ZNF407: variants seen among roughly 807,000 people sequenced by gnomAD.
ZNF407 encodes zinc finger protein 407.
Under a neutral mutation model 131.2 loss-of-function variants are expected in ZNF407, and 17 were observed. That is an observed-to-expected ratio of 0.13 (90% CI 0.09 to 0.19). The LOEUF is 0.19. Among genes scored for constraint, ZNF407 ranks in the 10% least tolerant of loss-of-function variants. The probability of loss-of-function intolerance (pLI) is 1.00; values close to 1 mark genes in which losing one functional copy is unlikely to be tolerated. For synonymous variants in ZNF407, 1,156 were observed against 1,062.0 expected (o/e 1.09, Z -1.72); for missense variants, 2,681 against 2,830.6 (o/e 0.95, Z 1.20).
intron 3 of ZNF407, among the ~76,000 whole-genome samples, chr18:74,695,007 A>T (rs1967317933): frequency 6.6e-6 from 1 of 152,206 alleles, no homozygotes; most frequent in African/African-American, 2.4e-5. Context: ...ATAGTGAAGG[A>T]AGCCATATGA....
intron 3 of ZNF407, among the ~76,000 whole-genome samples, chr18:74,744,999 A>G (rs973046155): frequency 6.6e-6 from 1 of 152,102 alleles, no homozygotes; most frequent in African/African-American, 2.4e-5. Flanking sequence ...GAATAATGAT[A>G]TTACTCAGCA....
chr18:74,840,565 G>C (rs1395243296), intron 4 of ZNF407, among the ~76,000 whole-genome samples: 1 of 151,974 alleles, frequency 6.6e-6, no homozygotes, highest in Non-Finnish European at 1.5e-5. Context: ...TTTGAACATT[G>C]AGATAGATCT....
intron 3 of ZNF407, among the ~76,000 whole-genome samples, chr18:74,716,197 G>A (rs1487277076): frequency 6.6e-6 from 1 of 152,156 alleles, no homozygotes; most frequent in Non-Finnish European, 1.5e-5. Flanking sequence ...CATTCGTGAG[G>A]TTTTGATAGC....
chr18:74,877,344 C>T lies in ZNF407; in HGVS notation c.5025C>T (p.Asp1675=), dbSNP rs770874779. ...YSFLTASAMK[D]HYRTHTGEKS... is the part of the protein sequence containing the mutation. ...TCCTCACAGCCTCCGCAATGAAAGACCACTACAGGACGCACACAGGTGTGC... is the reference window on the plus strand; with the variant it reads ...TCCTCACAGCCTCCGCAATGAAAGATCACTACAGGACGCACACAGGTGTGC... Residue 1675 remains aspartate (D), a synonymous_variant, in exon 5 of 9, where the codon GAC becomes GAT. Coordinates refer to ENST00000299687, the MANE Select transcript of ZNF407 (RefSeq NM_017757.3). 3.1e-6 allele frequency: 5 copies of T among 1,613,450 alleles called. No homozygotes were observed. In the East Asian group the frequency reaches 8.9e-5, roughly 29 times the overall value.
intron 8 of ZNF407, among the ~76,000 whole-genome samples, chr18:75,018,088 A>G (rs914747764): frequency 2.0e-5 from 3 of 152,230 alleles, no homozygotes; most frequent in Admixed American, 2.0e-4. Flanking sequence ...GCACAATAGA[A>G]TTATGTGAAC....
At position 74,765,982 on chromosome 18, in the gene ZNF407, G is replaced by A. The variant is rs192400482; in HGVS notation, c.4803-15446G>A. Among the ~76,000 whole-genome samples the A allele has an allele frequency of 4.6e-5, 7 of 151,490 alleles. No homozygotes were observed. The East Asian group carries it at 1.2e-3, about 25-fold the overall frequency. ...CAGTCAGGATTCACTCAGACATTTA[G>A]AGCCACTGTGATATACGCATATTAC... On this transcript the variant is annotated intron_variant, in intron 3 of 8. Coordinates refer to ENST00000299687, the MANE Select transcript of ZNF407 (RefSeq NM_017757.3).
At position 74,634,312 on chromosome 18, in the gene ZNF407, A is replaced by T. The variant is rs1439808142; in HGVS notation, c.3293A>T (p.Glu1098Val). 1.2e-6 allele frequency: 2 copies of T among 1,614,004 alleles called. No individual in the cohort carries two copies. The highest frequency in any genetic ancestry group is 1.7e-5 in the Admixed American group (1 of 60,020). Residue 1098 changes from glutamate (E) to valine (V), a missense_variant, in exon 2 of 9, where the codon GAA becomes GTA. Glu to Val is a moderately radical substitution (Grantham distance 121, BLOSUM62 -2). This residue lies in a region of ZNF407 where 1,789 missense variants were observed against 1,748.7 expected (regional missense o/e 1.02). Coordinates refer to ENST00000299687, the MANE Select transcript of ZNF407 (RefSeq NM_017757.3). ...ATGTCCAAAAACATCATTATGCCTG[A>T]AGAAGAGCATCAACAAAATTCTGAG... is the stretch of plus-strand genomic sequence containing the variant. Reference protein sequence around the residue: ...ADMSKNIIMPEEEHQQNSEEF... With the variant: ...ADMSKNIIMPVEEHQQNSEEF...
At chr18:74,762,973 G>A (rs1969130895) in intron 3 of ZNF407, among the ~76,000 whole-genome samples, 1 of 152,010 alleles carries the variant, frequency 6.6e-6, no homozygotes, top group South Asian at 2.1e-4. Context: ...AATCTAAAGT[G>A]ATTGGATTTT....
intron 3 of ZNF407, among the ~76,000 whole-genome samples, chr18:74,652,408 A>C (rs569145606): frequency 6.6e-6 from 1 of 152,062 alleles, no homozygotes; most frequent in Non-Finnish European, 1.5e-5. Flanking sequence ...TGTTTAAACT[A>C]AATATAAAAT....
chr18:74,970,955 G>C (rs1972465677), intron 8 of ZNF407, among the ~76,000 whole-genome samples: 1 of 152,230 alleles, frequency 6.6e-6, no homozygotes, highest in Non-Finnish European at 1.5e-5. Flanking sequence ...TGAAATCTAG[G>C]CAGAGGTTCC....
rs763107780 is a variant in ZNF407, at chr18:75,064,354, G to C, written c.6633G>C (p.Gly2211=). The C allele has an allele frequency of 2.5e-6, 4 of 1,587,236 alleles. No homozygotes were observed. The South Asian group carries it at 4.6e-5, about 18-fold the overall frequency. ...QAGATLGTEA[G]APSRAEQLAS... is the part of the protein sequence containing the mutation. ...GGGCCACGCTAGGCACAGAGGCCGG[G>C]GCCCCAAGCAGGGCAGAGCAGCTGG... is the stretch of plus-strand genomic sequence containing the variant. Residue 2211 remains glycine, a synonymous_variant, in exon 9 of 9, where the codon GGG becomes GGC. Transcript: ENST00000299687.
chr18:74,764,613 T>A (rs981686161), intron 3 of ZNF407, among the ~76,000 whole-genome samples: 11 of 152,190 alleles, frequency 7.2e-5, no homozygotes, highest in African/African-American at 2.7e-4. Context: ...TTGTAAGTAA[T>A]CTAGAGATGA....
chr18:74,704,398 G>A (rs566258422), intron 3 of ZNF407, among the ~76,000 whole-genome samples: 177 of 152,182 alleles, frequency 1.2e-3, no homozygotes, highest in African/African-American at 3.9e-3. Context: ...CAGGTACAAC[G>A]GGGAAAATGA....
intron 2 of ZNF407, among the ~76,000 whole-genome samples, chr18:74,637,008 T>C (rs1458401619): frequency 6.6e-6 from 1 of 152,240 alleles, no homozygotes. Context: ...AAGAGGAAGA[T>C]GCTAATGGAG....
chr18:74,994,983 C>T (rs1468774003), intron 8 of ZNF407, among the ~76,000 whole-genome samples: 2 of 152,022 alleles, frequency 1.3e-5, no homozygotes, highest in Admixed American at 6.5e-5. Flanking sequence ...AGTGACAAGC[C>T]GTGGTTCTGC....
At chr18:74,950,263 A>G (rs1318471571) in intron 8 of ZNF407, among the ~76,000 whole-genome samples, 1 of 152,198 alleles carries the variant, frequency 6.6e-6, no homozygotes, top group Non-Finnish European at 1.5e-5. Context: ...CAAGAAAATG[A>G]TTTAACTGCA....
chr18:74,598,121 TTCCCGACACC>T (rs962258465), intron 1 of ZNF407, 184 bp downstream of exon 1: 4 of 124,564 alleles, frequency 3.2e-5, no homozygotes, highest in Non-Finnish European at 6.6e-5. Flanking sequence ...GTCGCCTTCC[TTCCCGACACC>T]CGCCCAGACT....
At chr18:75,009,870 A>G (rs1365831109) in intron 8 of ZNF407, among the ~76,000 whole-genome samples, 37 of 152,204 alleles carry the variant, frequency 2.4e-4, no homozygotes, top group Non-Finnish European at 8.8e-5. Flanking sequence ...CAATAGTCAT[A>G]AGACTTTTGT....
intron 8 of ZNF407, among the ~76,000 whole-genome samples, chr18:74,987,591 T>C (rs1320564692): frequency 2.0e-5 from 3 of 152,124 alleles, no homozygotes; most frequent in Admixed American, 6.5e-5. Flanking sequence ...GAGAATATGA[T>C]GTGAACTCTG....
Sources: allele counts gnomAD v4.1 joint callset (sites outside exome capture counted in the v4.1 genomes callset), GRCh38; gene constraint gnomAD v4.1.1; regional missense constraint gnomAD v4.1.1; transcripts MANE v1.5; gene names NCBI Gene and HGNC (gene_info 2026-07-23, HGNC 2026-07-21).